The following PKP4 variants were observed in gnomAD, a reference collection of about 807,000 sequenced individuals.
PKP4 encodes plakophilin-4.
In PKP4, 90 loss-of-function variants were observed where a neutral mutation model predicts 145.1. That is an observed-to-expected ratio of 0.62 (90% CI 0.52 to 0.74). PKP4 has a LOEUF of 0.74. Among genes scored for constraint, PKP4 ranks in the 30% least tolerant of loss-of-function variants. The pLI, the probability that PKP4 is intolerant of heterozygous loss-of-function variation, is 0.00. For synonymous variants in PKP4, 563 were observed against 577.2 expected, an observed-to-expected ratio of 0.98 and a Z score of 0.35; for missense variants, 1,340 against 1,482.7, an observed-to-expected ratio of 0.90 and a Z score of 1.58.
At chr2:158,465,188 G>A (rs1314478053) in intron 1 of PKP4, among the ~76,000 whole-genome samples, 3 of 152,178 alleles carry the variant, frequency 2.0e-5, no homozygotes, top group Admixed American at 1.3e-4. Flanking sequence ...ATATAAATAA[G>A]CATGTAACAT....
At chr2:158,541,493 A>G (rs1372160935) in intron 2 of PKP4, among the ~76,000 whole-genome samples, 1 of 152,136 alleles carries the variant, frequency 6.6e-6, no homozygotes, top group African/African-American at 2.4e-5. Context: ...CCAAACCTTA[A>G]TAATGTAGGA....
At chr2:158,487,214 GTAGAGCCTTAAGGCCATAAA>G (rs1435395185) in intron 1 of PKP4, among the ~76,000 whole-genome samples, 1 of 152,182 alleles carries the variant, frequency 6.6e-6, no homozygotes, top group Non-Finnish European at 1.5e-5. Context: ...AAGTGACATA[GTAGAGCCTTAAGGCCATAAA>G]TAGGAATTTT....
intron 1 of PKP4, among the ~76,000 whole-genome samples, chr2:158,511,797 A>G (rs1196556950): frequency 6.6e-6 from 1 of 152,180 alleles, no homozygotes; most frequent in Non-Finnish European, 1.5e-5. Flanking sequence ...ATGAAATGGC[A>G]TTTAAATTTT....
At chr2:158,482,224 C>G (rs1025963322) in intron 1 of PKP4, among the ~76,000 whole-genome samples, 1 of 152,210 alleles carries the variant, frequency 6.6e-6, no homozygotes, top group Non-Finnish European at 1.5e-5. Flanking sequence ...TCCACATCAT[C>G]ACAGGAAGTT....
intron 2 of PKP4, chr2:158,548,349 T>C (rs1157896247): frequency 6.6e-6 from 1 of 152,204 alleles, no homozygotes; most frequent in Non-Finnish European, 1.5e-5. Context: ...TTGGCTTCTT[T>C]ATGTTAACCC....
rs1311574101 is a variant in PKP4 at position 158,524,239 on chromosome 2, C to T, written c.-5-8941C>T. On this transcript the variant is annotated intron_variant, in intron 1 of 21. Coordinates refer to ENST00000389759, the MANE Select transcript of PKP4 (RefSeq NM_003628.6). ...GTTAAGGGCAGCCAGAGAGAAAGGC[C>T]GGGTTACCCTCAAAGGGAAGCCCAT... Among the ~76,000 whole-genome samples, 54 of 125,638 alleles carry T rather than the reference C, an allele frequency of 4.3e-4. No homozygotes were observed. The Middle Eastern group carries it at 0.018, about 41-fold the overall frequency. 82.4% of individuals were successfully genotyped at this position (125,638 alleles called of 152,430 possible).
At chr2:158,563,140 T>C (rs985968985) in intron 2 of PKP4, among the ~76,000 whole-genome samples, 2 of 152,184 alleles carry the variant, frequency 1.3e-5, no homozygotes, top group Admixed American at 1.3e-4. Context: ...TTCATGAAAA[T>C]TAATTCTTAA....
chr2:158,531,485 T>C (rs1025579413), intron 1 of PKP4, among the ~76,000 whole-genome samples: 6 of 152,216 alleles, frequency 3.9e-5, no homozygotes, highest in Non-Finnish European at 7.3e-5. Context: ...TCTAGGATCT[T>C]TGTGTAGCAT....
At chr2:158,558,191 C>A (rs1479116006) in intron 2 of PKP4, among the ~76,000 whole-genome samples, 1 of 152,138 alleles carries the variant, frequency 6.6e-6, no homozygotes, top group Non-Finnish European at 1.5e-5. Context: ...ACAGAGATAT[C>A]ATTGCCTTTC....
chr2:158,616,650 CAAACCCCT>C (rs1436549582), intron 4 of PKP4, among the ~76,000 whole-genome samples: 1 of 152,116 alleles, frequency 6.6e-6, no homozygotes, highest in East Asian at 1.9e-4. Flanking sequence ...TATGTAAGGG[CAAACCCCT>C]AAACACCATA....
chr2:158,629,807 T>C (rs971325164), intron 7 of PKP4, among the ~76,000 whole-genome samples: 4 of 152,122 alleles, frequency 2.6e-5, no homozygotes, highest in African/African-American at 9.7e-5. Context: ...CGCCCCCAGA[T>C]TGAAGCAGTT....
intron 1 of PKP4, among the ~76,000 whole-genome samples, chr2:158,465,496 T>C (rs1690469608): frequency 6.6e-6 from 1 of 152,234 alleles, no homozygotes; most frequent in African/African-American, 2.4e-5. Context: ...ATTTATGCTG[T>C]AAGACCTGCC....
chr2:158,476,378 C>T (rs964325297), intron 1 of PKP4, among the ~76,000 whole-genome samples: 3 of 152,166 alleles, frequency 2.0e-5, no homozygotes, highest in Middle Eastern at 3.4e-3. Context: ...TTGCCCAGCC[C>T]GGAGTGCAGT....
intron 1 of PKP4, among the ~76,000 whole-genome samples, chr2:158,486,266 CAA>C (rs1694157486): frequency 6.6e-6 from 1 of 152,026 alleles, no homozygotes; most frequent in South Asian, 2.1e-4. Context: ...GGTATAGAGA[CAA>C]TATTAATTGT....
chr2:158,676,753 TC>T lies in PKP4; in HGVS notation c.3144del (p.Ser1049HisfsTer5). On this transcript the variant is annotated frameshift_variant, in exon 20 of 22. Coordinates refer to ENST00000389759, the MANE Select transcript of PKP4 (RefSeq NM_003628.6). LOFTEE classifies it high-confidence loss of function. ...PIIQSVGSTS[S>X]SPALLGIRDP... Reference sequence around the variant, plus strand: ...TCTCCCTTCAGTCGGCAGCACCTCTTCCTCACCAGCACTGTTAGGAATCAGA... The same window carrying T: ...TCTCCCTTCAGTCGGCAGCACCTCTTCTCACCAGCACTGTTAGGAATCAGA... The T allele has an allele frequency of 1.2e-6, 2 of 1,614,142 alleles. No homozygotes were observed. Among genetic ancestry groups the T allele is most frequent in the Non-Finnish European group, 1.7e-6 (2 of 1,180,012 alleles).
At chr2:158,673,810 C>T (rs771783824) in intron 18 of PKP4, 49 bp downstream of exon 18, 24 of 1,453,260 alleles carry the variant, frequency 1.7e-5, no homozygotes, top group Non-Finnish European at 2.2e-5. Flanking sequence ...TCAGAGCACA[C>T]ACTCATAATC....
chr2:158,482,428 C>T (rs541783193), intron 1 of PKP4, among the ~76,000 whole-genome samples: 39 of 152,270 alleles, frequency 2.6e-4, no homozygotes, highest in South Asian at 1.4e-3. Flanking sequence ...GAATTATAGG[C>T]ACATACCACC....
intron 2 of PKP4, among the ~76,000 whole-genome samples, chr2:158,539,631 T>C (rs564689585): frequency 4.6e-5 from 7 of 152,368 alleles, no homozygotes; most frequent in African/African-American, 1.7e-4. Context: ...CTGGCAGTTA[T>C]TGTTACCGTG....
At chr2:158,680,015 C>G (rs1394124231) in intron 21 of PKP4, among the ~76,000 whole-genome samples, 1 of 152,220 alleles carries the variant, frequency 6.6e-6, no homozygotes, top group Non-Finnish European at 1.5e-5. Flanking sequence ...CAGTCCTTGA[C>G]TAAATTAGTG....
Sources: allele counts gnomAD v4.1 joint callset (sites outside exome capture counted in the v4.1 genomes callset), GRCh38; gene constraint gnomAD v4.1.1; transcripts MANE v1.5; gene names NCBI Gene and HGNC (gene_info 2026-07-23, HGNC 2026-07-21).